Variants in PUS10 observed in about 807,000 individuals in gnomAD.
PUS10 encodes the protein pseudouridine synthase 10.
A neutral mutation model predicts 75.0 loss-of-function variants in PUS10; 59 were observed. The ratio of observed to expected loss-of-function variants is 0.79; its 90% CI spans 0.64 to 0.98. The LOEUF is 0.98. PUS10 is among the 50% of genes least tolerant of loss of function. PUS10 has a pLI of 0.00. For synonymous variants in PUS10, 219 were observed against 211.6 expected (o/e 1.03, Z -0.30); for missense variants, 650 against 614.4 (o/e 1.06, Z -0.61).
At chr2:60,949,968 A>C (rs1675234402) in intron 15 of PUS10, among the ~76,000 whole-genome samples, 1 of 152,112 alleles carries the variant, frequency 6.6e-6, no homozygotes, top group Non-Finnish European at 1.5e-5. Flanking sequence ...CTATGAACCT[A>C]TTTTTTTAAT....
chr2:60,975,541 A>C (rs1003019282), intron 4 of PUS10, among the ~76,000 whole-genome samples: 1 of 152,144 alleles, frequency 6.6e-6, no homozygotes, highest in Non-Finnish European at 1.5e-5. Flanking sequence ...AATGTGTAAA[A>C]TGAGAGAATT....
chr2:61,008,858 T>G lies in PUS10; in HGVS notation c.284A>C (p.His95Pro). 6.2e-7 allele frequency: 1 copy of G among 1,613,410 alleles called. No individual in the cohort carries two copies. The highest frequency in any genetic ancestry group is 1.1e-5 in the South Asian group (1 of 91,006). Reference protein sequence around the residue: ...QNGEGRISVSHVGSTASKNSN... With the variant: ...QNGEGRISVSPVGSTASKNSN... ...GTTCTTGGAAGCAGTGCTTCCAACA[T>G]GACTAACAGAGATCCTTCCCTCTCC... is the stretch of plus-strand genomic sequence containing the variant. The change falls in exon 3 of 18, where the codon CAT becomes CCT. Residue 95 changes from histidine (H) to proline (P), a missense_variant. Physicochemically the swap from His to Pro is moderately conservative, Grantham distance 77 (BLOSUM62 -2). Transcript: ENST00000316752.
Position 61,008,938 on chromosome 2 carries a change from G to A in PUS10, c.204C>T (p.Pro68=), listed in dbSNP as rs201078763. The A allele has an allele frequency of 5.9e-5, 95 of 1,613,438 alleles. No homozygotes were observed. In the African/African-American group the frequency reaches 1.1e-3, roughly 19 times the overall value. Residue 68 remains proline (P), a synonymous_variant, in exon 3 of 18, where the codon CCC becomes CCT. Transcript: ENST00000316752. ...ELILEVMNPP[P]KKIRLQELED... ...CCAGTTCTTGCAGTCGAATTTTCTT[G>A]GGAGGTGGGTTCATAACTTCCAAAA...
chr2:60,965,718 T>G, intron 6 of PUS10: 2 of 326,760 alleles, frequency 6.1e-6, no homozygotes, highest in Non-Finnish European at 1.1e-5. Flanking sequence ...CAAAAAAGTT[T>G]TAAAATAAAT....
intron 4 of PUS10, among the ~76,000 whole-genome samples, chr2:61,000,099 T>G (rs1217950842): frequency 6.6e-6 from 1 of 152,202 alleles, no homozygotes; most frequent in Non-Finnish European, 1.5e-5. Context: ...TTTCCAGCCT[T>G]GGCTTAAACA....
chr2:60,950,175 T>C (rs1675246523), intron 15 of PUS10, among the ~76,000 whole-genome samples: 1 of 152,242 alleles, frequency 6.6e-6, no homozygotes, highest in South Asian at 2.1e-4. Context: ...GGAGAGGCCA[T>C]TGGAGATGAT....
At chr2:61,006,176 T>C (rs949452568) in intron 4 of PUS10, among the ~76,000 whole-genome samples, 2 of 152,222 alleles carry the variant, frequency 1.3e-5, no homozygotes, top group African/African-American at 2.4e-5. Flanking sequence ...CTCATCATAA[T>C]TGAAATGACC....
In PUS10 at chr2:60,961,542, A is replaced by G; in HGVS notation, c.795T>C (p.Phe265=). The G allele has an allele frequency of 1.9e-6, 3 of 1,613,456 alleles. No individual in the cohort carries two copies. Among genetic ancestry groups the G allele is most frequent in the Non-Finnish European group, 2.5e-6 (3 of 1,179,374 alleles). ...CCTTTGGTGAGTTTGGAGGACAAGG[A>G]AACTGCCTGCAAAACAAAATAAATT... The part of the protein sequence containing the change: ...KIKEEDFLKQ[F]PCPPNSPKAV... The change falls in exon 10 of 18, where the codon TTT becomes TTC. Residue 265 remains phenylalanine, a synonymous_variant. Transcript: ENST00000316752.
chr2:60,992,959 T>A (rs925420370), intron 4 of PUS10, among the ~76,000 whole-genome samples: 1 of 152,252 alleles, frequency 6.6e-6, no homozygotes, highest in Non-Finnish European at 1.5e-5. Context: ...TGCCATGGAT[T>A]TAATTTTTAA....
At chr2:61,014,447 G>C (rs35976602) in intron 1 of PUS10, among the ~76,000 whole-genome samples, 21,328 of 152,048 alleles carry the variant, frequency 0.14, 1,821 homozygotes, top group Non-Finnish European at 0.19. Context: ...AAATATTTGA[G>C]AGCAACTGTT....
Position 60,942,449 on chromosome 2 carries a change from G to T in PUS10, c.1552-16C>A, listed in dbSNP as rs1473969391. The T allele has an allele frequency of 6.2e-7, 1 of 1,604,644 alleles. No homozygotes were observed. Among genetic ancestry groups the T allele is most frequent in the African/African-American group, 1.3e-5 (1 of 74,724 alleles). ...CATCTACAGACTAGAAGGGAGAAAA[G>T]AAGTCATTAAAACAGATATTACTGT... is the stretch of plus-strand genomic sequence containing the variant. On this transcript the variant is annotated splice_polypyrimidine_tract_variant and intron_variant, in intron 17 of 17. Coordinates refer to ENST00000316752, the MANE Select transcript of PUS10 (RefSeq NM_144709.4).
chr2:61,009,004 A>G lies in PUS10; in HGVS notation c.138T>C (p.Asn46=), dbSNP rs1395389037. The G allele has an allele frequency of 1.2e-6, 2 of 1,612,034 alleles. No homozygotes were observed. The highest frequency in any genetic ancestry group is 2.2e-5 in the East Asian group (1 of 44,824). ...PYKLPYKELL[N]ELQKFLETEK... ...CAGTTTCCAGAAATTTCTGTAGTTCATTGAGCAACTCCTGGAAAGTTAATG... is the reference window on the plus strand; with the variant it reads ...CAGTTTCCAGAAATTTCTGTAGTTCGTTGAGCAACTCCTGGAAAGTTAATG... The change falls in exon 3 of 18, where the codon AAT becomes AAC. Residue 46 remains asparagine, a synonymous_variant. Coordinates refer to ENST00000316752, the MANE Select transcript of PUS10 (RefSeq NM_144709.4).
intron 15 of PUS10, among the ~76,000 whole-genome samples, chr2:60,950,612 T>C (rs1392644518): frequency 6.6e-6 from 1 of 152,118 alleles, no homozygotes; most frequent in African/African-American, 2.4e-5. Context: ...AGATACGGGG[T>C]TTCACCATGT....
At chr2:61,013,401 A>T (rs6727926) in intron 1 of PUS10, among the ~76,000 whole-genome samples, 28,693 of 152,176 alleles carry the variant, frequency 0.19, 2,989 homozygotes, top group Middle Eastern at 0.32. Flanking sequence ...CCAAGAACCT[A>T]GACAGGCTTG....
At chr2:60,981,371 CT>C (rs1194872978) in intron 4 of PUS10, among the ~76,000 whole-genome samples, 1 of 152,086 alleles carries the variant, frequency 6.6e-6, no homozygotes, top group Non-Finnish European at 1.5e-5. Flanking sequence ...CAACTTTTGC[CT>C]CCCAGGTTCA....
At chr2:60,989,446 A>G (rs1454646335) in intron 4 of PUS10, among the ~76,000 whole-genome samples, 1 of 152,150 alleles carries the variant, frequency 6.6e-6, no homozygotes, top group Non-Finnish European at 1.5e-5. Flanking sequence ...CAGAAAGATG[A>G]TGACATACAC....
chr2:60,992,679 A>G lies in PUS10; in HGVS notation c.468+13878T>C, dbSNP rs545100230. ...GGGCTATTTATGTTAATACCTTTGC[A>G]TCTATTTTATTATTTCATTTCCTTT... is the stretch of plus-strand genomic sequence containing the variant. On this transcript the variant is annotated intron_variant, in intron 4 of 17. Transcript: ENST00000316752. Among the ~76,000 whole-genome samples the G allele has an allele frequency of 1.7e-4, 26 of 152,298 alleles. No homozygotes were observed. In the South Asian group the frequency reaches 4.8e-3, roughly 28 times the overall value.
intron 17 of PUS10, chr2:60,944,055 G>C (rs1365099431): frequency 6.0e-6 from 1 of 165,906 alleles, no homozygotes; most frequent in Non-Finnish European, 1.2e-5. Context: ...TTGAGCCCGA[G>C]AGGTCAGGGT....
At chr2:61,017,764 C>A (rs1463784828) in intron 1 of PUS10, 2 of 1,549,100 alleles carry the variant, frequency 1.3e-6, no homozygotes, top group East Asian at 2.4e-5. Context: ...GAGGAGATGG[C>A]GTCCCAGCCG....
Sources: allele counts gnomAD v4.1 joint callset (sites outside exome capture counted in the v4.1 genomes callset), GRCh38; gene constraint gnomAD v4.1.1; transcripts MANE v1.5; gene names NCBI Gene and HGNC (gene_info 2026-07-23, HGNC 2026-07-21).